Variants in MPHOSPH9 observed in about 807,000 individuals in gnomAD.
The protein encoded by MPHOSPH9 is M-phase phosphoprotein 9.
A neutral mutation model predicts 145.5 loss-of-function variants in MPHOSPH9; 88 were observed. The observed-to-expected ratio is 0.60, with a 90% CI of 0.51 to 0.72. The LOEUF is 0.72. Ranked by LOEUF, MPHOSPH9 falls within the 30% of genes least tolerant of loss-of-function variation. The pLI, the probability that MPHOSPH9 is intolerant of heterozygous loss-of-function variation, is 0.00. For synonymous variants in MPHOSPH9, 435 were observed against 486.2 expected (o/e 0.89, Z 1.39); for missense variants, 1,238 against 1,386.6 (o/e 0.89, Z 1.70).
intron 12 of MPHOSPH9, among the ~76,000 whole-genome samples, chr12:123,196,590 T>C (rs1490932206): frequency 2.0e-5 from 3 of 152,126 alleles, no homozygotes; most frequent in Non-Finnish European, 4.4e-5. Context: ...AAAAGTTACC[T>C]GTAAAAAAAT....
chr12:123,241,355 G>T (rs2047934377), intron 1 of MPHOSPH9, among the ~76,000 whole-genome samples: 1 of 151,836 alleles, frequency 6.6e-6, no homozygotes, highest in South Asian at 2.1e-4. Context: ...TTTTGAGACA[G>T]AGTCTCGCTC....
At chr12:123,207,773 A>G (rs2138418769) in intron 8 of MPHOSPH9, among the ~76,000 whole-genome samples, 1 of 152,016 alleles carries the variant, frequency 6.6e-6, no homozygotes, top group South Asian at 2.1e-4. Flanking sequence ...GAATCATTTG[A>G]ACCTGGGAGG....
At chr12:123,222,978 G>A in intron 4 of MPHOSPH9, 60 bp downstream of exon 4, 3 of 711,286 alleles carry the variant, frequency 4.2e-6, no homozygotes, top group Non-Finnish European at 6.5e-6. Context: ...GTGTGTGTGT[G>A]TGTATATGTA....
rs1338169958 is a variant in MPHOSPH9, at chr12:123,230,697, TGGATAAAC to T, written c.-158-183_-158-176del. On this transcript the variant is annotated intron_variant, in intron 1 of 23. Transcript: ENST00000606320. Reference sequence around the variant, plus strand: ...ACCCAAATGTCCATCAATGGATAAATGGATAAACGAATGAAGCATATTCATAGAACAGG... The same window carrying T: ...ACCCAAATGTCCATCAATGGATAAATGAATGAAGCATATTCATAGAACAGG... Among the ~76,000 whole-genome samples, 13 of 152,266 alleles carry T rather than the reference TGGATAAAC, an allele frequency of 8.5e-5. No individual in the cohort carries two copies. In the South Asian group the frequency reaches 2.5e-3, roughly 29 times the overall value.
intron 4 of MPHOSPH9, among the ~76,000 whole-genome samples, chr12:123,222,713 G>A (rs2047258007): frequency 6.6e-6 from 1 of 152,030 alleles, no homozygotes; most frequent in African/African-American, 2.4e-5. Flanking sequence ...GAGGTGGGTG[G>A]ATCACCTGAG....
intron 5 of MPHOSPH9, among the ~76,000 whole-genome samples, chr12:123,219,361 G>A (rs1430477506): frequency 6.6e-6 from 1 of 151,660 alleles, no homozygotes; most frequent in Non-Finnish European, 1.5e-5. Context: ...CACTTTGGGA[G>A]GCTGAGGCGG....
chr12:123,196,613 T>A (rs1289285240), intron 12 of MPHOSPH9, among the ~76,000 whole-genome samples: 1 of 152,242 alleles, frequency 6.6e-6, no homozygotes, highest in East Asian at 1.9e-4. Context: ...AATTTGGTAA[T>A]GCGTGGGGAA....
intron 17 of MPHOSPH9, 161 bp downstream of exon 17, chr12:123,166,494 T>C (rs1055931168): frequency 8.5e-6 from 7 of 826,502 alleles, no homozygotes; most frequent in African/African-American, 5.1e-5. Flanking sequence ...GGAAGTAAAA[T>C]ATTCTAAAAG....
chr12:123,199,326 C>T (rs1353763860), intron 11 of MPHOSPH9, among the ~76,000 whole-genome samples: 1 of 152,162 alleles, frequency 6.6e-6, no homozygotes, highest in African/African-American at 2.4e-5. Context: ...TTAATTATCA[C>T]AGATCCTCAA....
At chr12:123,232,134 C>A (rs1463640945) in intron 1 of MPHOSPH9, among the ~76,000 whole-genome samples, 1 of 151,556 alleles carries the variant, frequency 6.6e-6, no homozygotes, top group Non-Finnish European at 1.5e-5. Flanking sequence ...TTCCAACTGG[C>A]AACAGAAATA....
chr12:123,212,181 T>TG (rs1224653604), intron 7 of MPHOSPH9, among the ~76,000 whole-genome samples: 1 of 151,614 alleles, frequency 6.6e-6, no homozygotes, highest in Non-Finnish European at 1.5e-5. Context: ...GGATATGTAG[T>TG]GGGGGGTGCG....
In MPHOSPH9 at chr12:123,225,443, C is replaced by CA. The variant is rs56225104; in HGVS notation, c.258+2019dup. Among the ~76,000 whole-genome samples, 725 of 102,116 alleles carry CA rather than the reference C, an allele frequency of 7.1e-3. 10 individuals are homozygous for CA. Among genetic ancestry groups the CA allele is most frequent in the African/African-American group, 0.029 (637 of 22,328 alleles). The allele number at this position is 102,116 out of a possible 152,430, so 67.0% of individuals were successfully genotyped here. ...TGGATGACAGAATGAGACCCTATTT[C>CA]AAAAAAAAAAAAAAAAAGAAAGAAA... On this transcript the variant is annotated intron_variant, in intron 3 of 23. Transcript: ENST00000606320.
At chr12:123,212,766 C>CTTTTTTTTT (rs769159602) in intron 7 of MPHOSPH9, among the ~76,000 whole-genome samples, 7 of 93,894 alleles carry the variant, frequency 7.5e-5, no homozygotes, top group Non-Finnish European at 1.3e-4. Context: ...CAATGGTCGA[C>CTTTTTTTTT]TTTTTTTTTT....
chr12:123,154,617 A>C lies in MPHOSPH9; in HGVS notation c.*2190T>G, dbSNP rs1375949982. ...GATAATTCCTTGGCAAGATAAAACT[A>C]TCATCTCTTCTGAAATGGCATTTTT... is the stretch of plus-strand genomic sequence containing the variant. On this transcript the variant is annotated 3_prime_UTR_variant, in exon 24 of 24. Coordinates refer to ENST00000606320, the MANE Select transcript of MPHOSPH9 (RefSeq NM_022782.4). 2 of 152,192 alleles carry C rather than the reference A, an allele frequency of 1.3e-5. No homozygotes were observed. Among genetic ancestry groups the C allele is most frequent in the Non-Finnish European group, 1.5e-5 (1 of 68,020 alleles). The allele number at this position is 152,192 out of a possible 1,614,324, so 9.4% of individuals were successfully genotyped here.
At position 123,210,103 on chromosome 12, in the gene MPHOSPH9, C is replaced by G; in HGVS notation, c.1147G>C (p.Glu383Gln). The change falls in exon 8 of 24, where the codon GAG (glutamate) becomes CAG (glutamine). Residue 383 changes from glutamate to glutamine, a missense_variant. Physicochemically the swap from Glu to Gln is conservative, Grantham distance 29. Around this residue, in one of 3 missense-constraint regions of MPHOSPH9, gnomAD observed 837 missense variants for 897.5 expected, o/e 0.93. Coordinates refer to ENST00000606320, the MANE Select transcript of MPHOSPH9 (RefSeq NM_022782.4). ...DMHHSLPETL[E>Q]KTFISLSSTD... ...GAAGACAATGATATGAACGTCTTCT[C>G]TAAAGTTTCAGGCAAAGAGTGGTGC... is the stretch of plus-strand genomic sequence containing the variant. 1 of 1,611,804 alleles carries G rather than the reference C, an allele frequency of 6.2e-7. No homozygotes were observed. Among genetic ancestry groups the G allele is most frequent in the Non-Finnish European group, 8.5e-7 (1 of 1,178,984 alleles).
rs1475350486 is a variant in MPHOSPH9, at chr12:123,221,452, T to C, written c.792A>G (p.Val264=). 2 of 1,613,394 alleles carry C rather than the reference T, an allele frequency of 1.2e-6. No homozygotes were observed. The highest frequency in any genetic ancestry group is 2.2e-5 in the East Asian group (1 of 44,878). Residue 264 remains valine, a synonymous_variant, in exon 5 of 24, where the codon GTA becomes GTG. Transcript: ENST00000606320. ...EECHVSLKED[V]SISPGEFEHN... is the part of the protein sequence containing the mutation. ...GTTCAAATTCACCAGGAGAAATGGATACATCTTCCTTTAAAGACACATGAC... is the reference window on the plus strand; with the variant it reads ...GTTCAAATTCACCAGGAGAAATGGACACATCTTCCTTTAAAGACACATGAC...
Position 123,176,786 on chromosome 12 carries a change from C to A in MPHOSPH9, c.2358G>T (p.Met786Ile). 1.3e-6 allele frequency: 2 copies of A among 1,599,634 alleles called. No individual in the cohort carries two copies. The highest frequency in any genetic ancestry group is 4.5e-5 in the East Asian group (2 of 44,804). Residue 786 changes from methionine to isoleucine, a missense_variant, in exon 16 of 24, where the codon ATG becomes ATT. Coordinates refer to ENST00000606320, the MANE Select transcript of MPHOSPH9 (RefSeq NM_022782.4). ...AYTQISDLKRMISKLEAQVKQ... is the reference protein window; with the variant it reads ...AYTQISDLKRIISKLEAQVKQ... ...TGACCTGAGCTTCAAGTTTTGAAATCATTCTAATTCAAAAGCAATAAAGAT... is the reference window on the plus strand; with the variant it reads ...TGACCTGAGCTTCAAGTTTTGAAATAATTCTAATTCAAAAGCAATAAAGAT...
intron 23 of MPHOSPH9, among the ~76,000 whole-genome samples, chr12:123,157,835 A>T (rs2043935223): frequency 6.6e-6 from 1 of 152,270 alleles, no homozygotes; most frequent in African/African-American, 2.4e-5. Flanking sequence ...GTCCTGAAAT[A>T]AAACTTAAAA....
chr12:123,211,857 G>A (rs1252253019), intron 7 of MPHOSPH9, among the ~76,000 whole-genome samples: 2 of 151,108 alleles, frequency 1.3e-5, no homozygotes, highest in African/African-American at 2.4e-5. Context: ...ACCGCACCCA[G>A]CTAATTTTTG....
Sources: allele counts gnomAD v4.1 joint callset (sites outside exome capture counted in the v4.1 genomes callset), GRCh38; gene constraint gnomAD v4.1.1; regional missense constraint gnomAD v4.1.1; transcripts MANE v1.5; gene names NCBI Gene and HGNC (gene_info 2026-07-23, HGNC 2026-07-21).